The following PCDH11X variants were observed in gnomAD, a reference collection of about 807,000 sequenced individuals.
The protein encoded by PCDH11X is protocadherin-11 X-linked.
Under a neutral mutation model 53.3 loss-of-function variants are expected in PCDH11X, and 18 were observed. The observed-to-expected ratio is 0.34, with a 90% CI of 0.23 to 0.50. The LOEUF (loss-of-function observed/expected upper bound fraction) is 0.50, where lower values mean the gene tolerates loss of function less well. Ranked by LOEUF, PCDH11X falls within the 20% of genes least tolerant of loss-of-function variation. PCDH11X has a pLI of 0.98. For synonymous variants in PCDH11X, 279 were observed against 393.3 expected (o/e 0.71, Z 3.44); for missense variants, 570 against 1,032.4 (o/e 0.55, Z 6.14).
intron 6 of PCDH11X, among the ~76,000 whole-genome samples, chrX:91,961,818 C>T (rs1024177155): frequency 9.2e-6 from 1 of 108,253 alleles, no homozygotes; most frequent in Admixed American, 9.9e-5. Flanking sequence ...ACTCAGGAAA[C>T]TTACAATCAT....
chrX:92,147,507 G>C (rs1485720233), intron 6 of PCDH11X, among the ~76,000 whole-genome samples: 1 of 112,042 alleles, frequency 8.9e-6, no homozygotes, highest in African/African-American at 3.2e-5. Flanking sequence ...TTAGAGATAA[G>C]CAAAAGGAGA....
Position 91,816,589 on chromosome X carries a change from T to G in PCDH11X, c.-45+5294T>G, listed in dbSNP as rs1936458862. On this transcript the variant is annotated intron_variant, in intron 4 of 10. Transcript: ENST00000682573. ...TATTCATTAAGACTGTATCCAGCAC[T>G]GTGGAGAACTTGGAGGTCAAGGGAA... Among the ~76,000 whole-genome samples, 3 of 111,285 alleles carry G rather than the reference T, an allele frequency of 2.7e-5. 1 individual carries two copies. Among genetic ancestry groups the G allele is most frequent in the Non-Finnish European group, 5.7e-5 (3 of 53,011 alleles).
chrX:91,989,649 G>T (rs2062288508), intron 6 of PCDH11X, among the ~76,000 whole-genome samples: 1 of 109,465 alleles, frequency 9.1e-6, no homozygotes, highest in Non-Finnish European at 1.9e-5. Flanking sequence ...GGGAGGTAGT[G>T]GCATGAACCC....
intron 9 of PCDH11X, among the ~76,000 whole-genome samples, chrX:92,390,370 CGTGTGTGTGTGT>C (rs60286215): frequency 2.7e-4 from 25 of 93,676 alleles, no homozygotes; most frequent in Admixed American, 1.2e-3. Flanking sequence ...TAACATAGTA[CGTGTGTGTGTGT>C]GTGTGTGTGT....
intron 6 of PCDH11X, among the ~76,000 whole-genome samples, chrX:91,960,268 T>C (rs1382795224): frequency 1.8e-5 from 2 of 110,819 alleles, no homozygotes; most frequent in Non-Finnish European, 3.8e-5. Flanking sequence ...ATAAGCTTTT[T>C]AGTTTAATGC....
rs1219607725 is a variant in PCDH11X, at chrX:92,106,118, A to G, written c.3034-95257A>G. Reference sequence around the variant, plus strand: ...TAATGAAAAATCTTTCACACATATCATTTATCCATATTTCTAGAAATGGGA... The same window carrying G: ...TAATGAAAAATCTTTCACACATATCGTTTATCCATATTTCTAGAAATGGGA... On this transcript the variant is annotated intron_variant, in intron 6 of 10. Transcript: ENST00000682573. Among the ~76,000 whole-genome samples the G allele has an allele frequency of 1.8e-4, 20 of 109,825 alleles. No homozygotes were observed. In the Admixed American group the frequency reaches 2.0e-3, roughly 11 times the overall value.
rs189046154 is a variant in PCDH11X, at chrX:92,466,899, T to C, written c.3344-1400T>C. On this transcript the variant is annotated intron_variant, in intron 9 of 10. Transcript: ENST00000682573. Reference sequence around the variant, plus strand: ...AAATGAAAAGCACGTACGTTATTACTTTTCTGTTTAAAGCAGTCTTTCTCT... The same window carrying C: ...AAATGAAAAGCACGTACGTTATTACCTTTCTGTTTAAAGCAGTCTTTCTCT... Among the ~76,000 whole-genome samples the C allele has an allele frequency of 2.5e-3, 272 of 109,537 alleles. 1 individual carries two copies. Among genetic ancestry groups the C allele is most frequent in the Admixed American group, 6.4e-3 (65 of 10,229 alleles).
chrX:92,412,408 G>A (rs1208598299), intron 9 of PCDH11X, among the ~76,000 whole-genome samples: 7 of 104,795 alleles, frequency 6.7e-5, no homozygotes, highest in East Asian at 3.0e-4. Context: ...CCAATTGTAC[G>A]TCTCAGAACC....
At chrX:92,201,335 C>A (rs985046176) in intron 6 of PCDH11X, 40 bp from the exon 7 acceptor site, 3 of 1,171,786 alleles carry the variant, frequency 2.6e-6, no homozygotes, top group African/African-American at 1.8e-5. Context: ...TTACTTTTAA[C>A]AAACAGCTTA....
chrX:91,849,635 A>G (rs2056473886), intron 5 of PCDH11X, among the ~76,000 whole-genome samples: 1 of 110,743 alleles, frequency 9.0e-6, no homozygotes, highest in Non-Finnish European at 1.9e-5. Flanking sequence ...ACTATCATTG[A>G]TAGGGTTCAC....
In PCDH11X at chrX:92,446,286, G is replaced by A. The variant is rs7879631; in HGVS notation, c.3344-22013G>A. 6.6e-3 allele frequency among the ~76,000 whole-genome samples: 730 copies of A among 111,040 alleles called. 8 individuals carry two copies. The highest frequency in any genetic ancestry group is 0.023 in the African/African-American group (700 of 30,529). ...TTGGATTAAATGGACTCAGGAGTGA[G>A]CATGTACTATCTAGAATATTGTACA... On this transcript the variant is annotated intron_variant, in intron 9 of 10. Transcript: ENST00000682573.
chrX:91,895,971 C>T (rs1378565550), intron 6 of PCDH11X, among the ~76,000 whole-genome samples: 5 of 99,614 alleles, frequency 5.0e-5, no homozygotes, highest in Non-Finnish European at 1.0e-4. Flanking sequence ...ATGTAATACA[C>T]GTACATAGTA....
chrX:92,076,330 G>T (rs2063772727), intron 6 of PCDH11X, among the ~76,000 whole-genome samples: 1 of 101,215 alleles, frequency 9.9e-6, no homozygotes, highest in Non-Finnish European at 1.9e-5. Context: ...TTTTGTAATT[G>T]TTATGATCAA....
chrX:92,570,869 A>G (rs954671761), intron 10 of PCDH11X, among the ~76,000 whole-genome samples: 6 of 109,367 alleles, frequency 5.5e-5, no homozygotes, highest in East Asian at 2.9e-4. Flanking sequence ...TGAATTAACT[A>G]TAGACATAGA....
chrX:91,863,560 T>C (rs1938803019), intron 5 of PCDH11X, among the ~76,000 whole-genome samples: 1 of 111,942 alleles, frequency 8.9e-6, no homozygotes, highest in Non-Finnish European at 1.9e-5. Context: ...TTAGCCATTC[T>C]TTGTCTTTTA....
chrX:92,088,077 C>T, intron 6 of PCDH11X, among the ~76,000 whole-genome samples: 1 of 106,550 alleles, frequency 9.4e-6, no homozygotes, highest in Non-Finnish European at 1.9e-5. Flanking sequence ...TCCAGTTATA[C>T]TACATTCTTG....
intron 6 of PCDH11X, among the ~76,000 whole-genome samples, chrX:91,891,180 CTAAT>C (rs770917775): frequency 1.9e-5 from 2 of 107,844 alleles, no homozygotes; most frequent in East Asian, 5.9e-4. Flanking sequence ...GTTAGAATGA[CTAAT>C]TATAGAGCAT....
intron 7 of PCDH11X, among the ~76,000 whole-genome samples, chrX:92,235,785 C>T (rs6652624): frequency 0.076 from 8,431 of 110,983 alleles, 658 homozygotes; most frequent in African/African-American, 0.24. Flanking sequence ...AACTGCAAAT[C>T]AAAACTAAAT....
At position 91,791,377 on chromosome X, in the gene PCDH11X, TAA is replaced by T. The variant is rs1935527698; in HGVS notation, c.-379+11694_-379+11695del. On this transcript the variant is annotated intron_variant, in intron 1 of 10. Transcript: ENST00000682573. Reference sequence around the variant, plus strand: ...GAAACTTACAATCATGGCAGAAGGCTAAGAGGAAGGAGTCACGTCTTATATGG... The same window carrying T: ...GAAACTTACAATCATGGCAGAAGGCTGAGGAAGGAGTCACGTCTTATATGG... Among the ~76,000 whole-genome samples the T allele has an allele frequency of 2.7e-5, 3 of 110,734 alleles. No homozygotes were observed. In the South Asian group the frequency reaches 1.2e-3, roughly 42 times the overall value.
Sources: allele counts gnomAD v4.1 joint callset (sites outside exome capture counted in the v4.1 genomes callset), GRCh38; gene constraint gnomAD v4.1.1; transcripts MANE v1.5; gene names NCBI Gene and HGNC (gene_info 2026-07-23, HGNC 2026-07-21).